The following GGA2 variants were observed in gnomAD, a reference collection of about 807,000 sequenced individuals.
GGA2 encodes the protein ADP-ribosylation factor-binding protein GGA2.
Under a neutral mutation model 79.5 loss-of-function variants are expected in GGA2, and 48 were observed. The ratio of observed to expected loss-of-function variants is 0.60; its 90% CI spans 0.48 to 0.77. GGA2 has a LOEUF of 0.77. Among genes scored for constraint, GGA2 ranks in the 30% least tolerant of loss-of-function variants. The probability of loss-of-function intolerance (pLI) is 0.00; values close to 1 mark genes in which losing one functional copy is unlikely to be tolerated. For synonymous variants in GGA2, 317 were observed against 302.0 expected, an observed-to-expected ratio of 1.05 and a Z score of -0.51; for missense variants, 770 against 774.0, an observed-to-expected ratio of 0.99 and a Z score of 0.06.
intron 8 of GGA2, among the ~76,000 whole-genome samples, chr16:23,484,062 G>A (rs1964682478): frequency 6.6e-6 from 1 of 151,130 alleles, no homozygotes; most frequent in Admixed American, 6.6e-5. Flanking sequence ...GCCAAGGCAG[G>A]TGGATCACCT....
upstream of GGA2, chr16:23,523,037 T>G (rs1374211000): frequency 1.3e-5 from 2 of 152,218 alleles, no homozygotes; most frequent in Admixed American, 6.5e-5. Context: ...GAAGCCACGA[T>G]GTATTTTATG....
At chr16:23,483,178 A>G (rs1964670795) in intron 8 of GGA2, among the ~76,000 whole-genome samples, 174 bp from the exon 9 acceptor site, 1 of 152,202 alleles carries the variant, frequency 6.6e-6, no homozygotes, top group Admixed American at 6.5e-5. Flanking sequence ...AGTTTCAGAA[A>G]AAGACTACAG....
At chr16:23,510,508 T>C (rs1596998781), upstream of GGA2, 1 of 454,460 alleles carries the variant, frequency 2.2e-6, no homozygotes, top group Non-Finnish European at 3.6e-6. Flanking sequence ...GCAGGAGCGG[T>C]GGACACGTGA....
At chr16:23,473,866 A>G (rs1964545130) in intron 14 of GGA2, among the ~76,000 whole-genome samples, 1 of 152,238 alleles carries the variant, frequency 6.6e-6, no homozygotes, top group African/African-American at 2.4e-5. Context: ...AAAAATCAAT[A>G]AAGAAATGTG....
intron 15 of GGA2, chr16:23,469,244 T>C: frequency 2.5e-6 from 1 of 394,108 alleles, no homozygotes; most frequent in Non-Finnish European, 4.8e-6. Flanking sequence ...AACCGGCATC[T>C]GAGACGCAGC....
Position 23,486,056 on chromosome 16 carries a change from G to T in GGA2, c.757C>A (p.Arg253Ser). ...KVLQEMLSMY[R>S]RPGQAPPDQE... ...TCGGGCGGGGCCTGCCCTGGCCTGC[G>T]GTACATGCTCAGCATCTCCTGCAGC... Residue 253 changes from arginine to serine, a missense_variant, in exon 8 of 17, where the codon CGC becomes AGC. Physicochemically the swap from Arg to Ser is moderately radical, Grantham distance 110. Coordinates refer to ENST00000309859, the MANE Select transcript of GGA2 (RefSeq NM_015044.4). The T allele has an allele frequency of 6.8e-6, 11 of 1,614,062 alleles. No homozygotes were observed. The highest frequency in any genetic ancestry group is 9.3e-6 in the Non-Finnish European group (11 of 1,179,942).
chr16:23,489,240 T>G (rs755712341), intron 5 of GGA2, among the ~76,000 whole-genome samples: 22 of 152,122 alleles, frequency 1.4e-4, no homozygotes, highest in Non-Finnish European at 2.9e-4. Flanking sequence ...TTCACAATAT[T>G]TTTGTTGTTT....
intron 13 of GGA2, among the ~76,000 whole-genome samples, chr16:23,477,486 G>A (rs1029705923): frequency 6.6e-6 from 1 of 152,184 alleles, no homozygotes; most frequent in African/African-American, 2.4e-5. Context: ...GCTCATGCCT[G>A]TAATCCCAGC....
intron 13 of GGA2, among the ~76,000 whole-genome samples, chr16:23,476,009 T>C (rs1270608491): frequency 6.6e-6 from 1 of 152,182 alleles, no homozygotes; most frequent in Non-Finnish European, 1.5e-5. Flanking sequence ...GCCTTTGTTA[T>C]GAAGGTTGTT....
rs538743684 is a variant in GGA2 at position 23,493,420 on chromosome 16, G to A, written c.291C>T (p.Phe97=). 6.2e-7 allele frequency: 1 copy of A among 1,612,900 alleles called. No individual in the cohort carries two copies. Among genetic ancestry groups the A allele is most frequent in the East Asian group, 2.2e-5 (1 of 44,858 alleles). Residue 97 remains phenylalanine (F), a synonymous_variant, in exon 4 of 17, where the codon TTC becomes TTT. Coordinates refer to ENST00000309859, the MANE Select transcript of GGA2 (RefSeq NM_015044.4). ...AACGAAATTTGGCCACCTCGCTGTG[G>A]AACTTCTCCCCACAGTGGTTCATGC... ...EMCMNHCGEK[F]HSEVAKFRFL...
In GGA2 at chr16:23,510,305, C is replaced by A. The variant is rs925244404; in HGVS notation, c.91+16G>T. Reference sequence around the variant, plus strand: ...GCGGCGCAGCGGCTGCGCCGAAGGCCTGCCAGGCTACTCACTGAGCCACAG... The same window carrying A: ...GCGGCGCAGCGGCTGCGCCGAAGGCATGCCAGGCTACTCACTGAGCCACAG... On this transcript the variant is annotated intron_variant, in intron 1 of 16. Transcript: ENST00000309859. The A allele has an allele frequency of 3.1e-5, 44 of 1,417,042 alleles. No homozygotes were observed. In the Middle Eastern group the frequency reaches 8.1e-4, roughly 26 times the overall value. 87.8% of individuals were successfully genotyped at this position (1,417,042 alleles called of 1,614,324 possible).
At chr16:23,471,184 C>T (rs1964506757) in intron 14 of GGA2, among the ~76,000 whole-genome samples, 1 of 152,114 alleles carries the variant, frequency 6.6e-6, no homozygotes, top group Non-Finnish European at 1.5e-5. Flanking sequence ...TTACTTCCTT[C>T]TGGTCTCTTT....
intron 14 of GGA2, among the ~76,000 whole-genome samples, chr16:23,474,547 A>G (rs570827240): frequency 2.6e-5 from 4 of 151,906 alleles, no homozygotes; most frequent in Admixed American, 6.6e-5. Context: ...TTGTAGAGAG[A>G]GGGCTTCGTT....
In GGA2 at chr16:23,474,967, A is replaced by T. The variant is rs2142116536; in HGVS notation, c.1387T>A (p.Ser463Thr). ...WSWEAGPLAPSPSSQNTPLAQ... is the reference protein window; with the variant it reads ...WSWEAGPLAPTPSSQNTPLAQ... ...AGAGGTGTATTCTGTGAAGATGGGG[A>T]AGGAGCCAACGGGCCAGCCTCCCAG... The change falls in exon 14 of 17, where the codon TCC (serine) becomes ACC (threonine). Residue 463 changes from serine to threonine, a missense_variant. Coordinates refer to ENST00000309859, the MANE Select transcript of GGA2 (RefSeq NM_015044.4). The T allele has an allele frequency of 6.2e-7, 1 of 1,612,552 alleles. No individual in the cohort carries two copies. The highest frequency in any genetic ancestry group is 8.5e-7 in the Non-Finnish European group (1 of 1,178,688).
At chr16:23,487,110 T>G (rs763420724) in intron 6 of GGA2, among the ~76,000 whole-genome samples, 4 of 151,428 alleles carry the variant, frequency 2.6e-5, no homozygotes, top group Non-Finnish European at 4.4e-5. Flanking sequence ...GCCTCCCAAG[T>G]AGCTGGGACT....
At position 23,465,204 on chromosome 16, in the gene GGA2, T is replaced by C. The variant is rs1964420160; in HGVS notation, c.*2386A>G. 2 of 629,772 alleles carry C rather than the reference T, an allele frequency of 3.2e-6. No homozygotes were observed. The highest frequency in any genetic ancestry group is 1.8e-5 in the African/African-American group (1 of 55,046). The allele number at this position is 629,772 out of a possible 1,614,324, so 39.0% of individuals were successfully genotyped here. ...TCTCACTATGTAGCCCAGGCTGGAC[T>C]TGAAATCCTGGGCTCAAGCGGTCAT... On this transcript the variant is annotated 3_prime_UTR_variant, in exon 17 of 17. Transcript: ENST00000309859.
chr16:23,467,518 T>C lies in GGA2; in HGVS notation c.*72A>G, dbSNP rs1964456020. The C allele has an allele frequency of 1.3e-6, 1 of 772,648 alleles. No individual in the cohort carries two copies. The highest frequency in any genetic ancestry group is 2.3e-6 in the Non-Finnish European group (1 of 435,744). The allele number at this position is 772,648 out of a possible 1,614,324, so 47.9% of individuals were successfully genotyped here. ...CTTGGCACTCCGCACTGAAACACCG[T>C]GATTAGTCCTGACTAGACAGCAAAA... On this transcript the variant is annotated 3_prime_UTR_variant, in exon 17 of 17. Coordinates refer to ENST00000309859, the MANE Select transcript of GGA2 (RefSeq NM_015044.4).
At chr16:23,510,909 G>GTGTA (rs1965044013), upstream of GGA2, among the ~76,000 whole-genome samples, 1 of 1,860 alleles carries the variant, frequency 5.4e-4, no homozygotes, top group African/African-American at 1.5e-3. Flanking sequence ...GTTTCACCGT[G>GTGTA]TGTGTGTGTG....
chr16:23,475,843 T>C (rs1489585467), intron 13 of GGA2, among the ~76,000 whole-genome samples: 4 of 151,912 alleles, frequency 2.6e-5, no homozygotes, highest in African/African-American at 9.7e-5. Flanking sequence ...GGCAGGAGAA[T>C]GGCTAGAGCC....
Sources: gnomAD v4.1 joint callset for allele counts (sites outside exome capture counted in the v4.1 genomes callset) on GRCh38, gnomAD v4.1.1 for gene constraint, MANE v1.5 for transcripts, NCBI Gene and HGNC (gene_info 2026-07-23, HGNC 2026-07-21) for gene names.